Variants in ACACA observed in about 807,000 individuals in gnomAD.
ACACA encodes acetyl-CoA carboxylase alpha.
Under a neutral mutation model 296.1 loss-of-function variants are expected in ACACA, and 103 were observed. The ratio of observed to expected loss-of-function variants is 0.35; its 90% CI spans 0.30 to 0.41. ACACA has a LOEUF of 0.41. Ranked by LOEUF, ACACA falls within the 10% of genes least tolerant of loss-of-function variation. ACACA has a pLI of 1.00. For missense variants in ACACA, 1,554 were observed against 2,989.7 expected (o/e 0.52, Z 11.20); for synonymous variants, 953 against 1,038.6 (o/e 0.92, Z 1.58).
chr17:37,244,501 C>A (rs1416095130), intron 21 of ACACA, 87 bp downstream of exon 21: 3 of 1,540,728 alleles, frequency 1.9e-6, no homozygotes, highest in Middle Eastern at 1.9e-4. Flanking sequence ...TTTCCTCCCT[C>A]TTAAACAATC....
intron 52 of ACACA, among the ~76,000 whole-genome samples, chr17:37,109,603 C>A (rs748516778): frequency 1.3e-5 from 2 of 152,118 alleles, no homozygotes; most frequent in African/African-American, 4.8e-5. Context: ...TTCTCCAATG[C>A]GGATAGGAAA....
intron 43 of ACACA, 44 bp downstream of exon 43, chr17:37,155,639 T>C (rs1355595599): frequency 1.5e-6 from 2 of 1,321,160 alleles, no homozygotes; most frequent in African/African-American, 1.4e-5. Flanking sequence ...CATATTCTCC[T>C]TTCTTTAGTC....
chr17:37,156,183 C>T (rs1323572861), intron 42 of ACACA, among the ~76,000 whole-genome samples: 1 of 151,486 alleles, frequency 6.6e-6, no homozygotes, highest in Non-Finnish European at 1.5e-5. Flanking sequence ...CCTGCCTCAG[C>T]CTCCCAAGTA....
intron 30 of ACACA, 21 bp from the exon 31 acceptor site, chr17:37,207,821 G>C: frequency 6.2e-7 from 1 of 1,612,850 alleles, no homozygotes. Context: ...ATTCAATCAC[G>C]TTCATTAGAC....
In ACACA at chr17:37,086,834, G is replaced by GTAAT; in HGVS notation, c.*478_*481dup. 4.4e-6 allele frequency: 1 copy of GTAAT among 229,072 alleles called. No individual in the cohort carries two copies. Among genetic ancestry groups the GTAAT allele is most frequent in the Non-Finnish European group, 8.8e-6 (1 of 113,702 alleles). 14.2% of individuals were successfully genotyped at this position (229,072 alleles called of 1,614,324 possible). On this transcript the variant is annotated 3_prime_UTR_variant, in exon 56 of 56. Coordinates refer to ENST00000616317, the MANE Select transcript of ACACA (RefSeq NM_198834.3). ...ACTGTGTGCTGGGCTAAGAGTCGGG[G>GTAAT]TAATAAACAATGGACTTGAGGCTTC...
intron 1 of ACACA, among the ~76,000 whole-genome samples, chr17:37,405,482 G>GA (rs1421140972): frequency 6.6e-6 from 1 of 152,176 alleles, no homozygotes; most frequent in Non-Finnish European, 1.5e-5. Flanking sequence ...TGATGCATAG[G>GA]AAAATGTCTG....
chr17:37,249,280 T>C (rs1028086607), intron 16 of ACACA, among the ~76,000 whole-genome samples: 1 of 152,210 alleles, frequency 6.6e-6, no homozygotes, highest in African/African-American at 2.4e-5. Flanking sequence ...TCTGAGTTGC[T>C]CCCATCTTTT....
rs2075028058 is a variant in ACACA at position 37,130,322 on chromosome 17, G to C, written c.5680-104C>G. The C allele has an allele frequency of 4.3e-6, 6 of 1,404,382 alleles. No individual in the cohort carries two copies. The African/African-American group carries it at 7.1e-5, about 17-fold the overall frequency. 87.0% of individuals were successfully genotyped at this position (1,404,382 alleles called of 1,614,324 possible). ...TGGGTTCTTTTCTCCACAAAACAGA[G>C]ATTTCAGTCTCCATGGGTTGGTTGT... On this transcript the variant is annotated intron_variant, in intron 45 of 55. Transcript: ENST00000616317.
At chr17:37,349,716 C>G (rs1811984143) in intron 1 of ACACA, among the ~76,000 whole-genome samples, 1 of 151,420 alleles carries the variant, frequency 6.6e-6, no homozygotes, top group African/African-American at 2.4e-5. Context: ...ACCACTTCAC[C>G]CAGCTAGTTT....
At position 37,359,109 on chromosome 17, in the gene ACACA, C is replaced by G. The variant is rs532837241; in HGVS notation, c.39-19259G>C. The G allele has an allele frequency of 4.0e-5, 39 of 985,526 alleles. 1 individual carries two copies. In the East Asian group the frequency reaches 4.1e-3, roughly 103 times the overall value. The allele number at this position is 985,526 out of a possible 1,614,324, so 61.0% of individuals were successfully genotyped here. A position where few individuals can be genotyped will look rare whatever the true frequency, so the allele number is the denominator to read the frequency against. Reference sequence around the variant, plus strand: ...GGCGATGGCTGACAGGCGTGCAGCACCAGGCCGGCCCGGCACACGGAGAAG... The same window carrying G: ...GGCGATGGCTGACAGGCGTGCAGCAGCAGGCCGGCCCGGCACACGGAGAAG... On this transcript the variant is annotated intron_variant, in intron 1 of 55. Coordinates refer to ENST00000616317, the MANE Select transcript of ACACA (RefSeq NM_198834.3).
At chr17:37,188,014 A>G (rs2077603593) in intron 39 of ACACA, among the ~76,000 whole-genome samples, 2 of 152,244 alleles carry the variant, frequency 1.3e-5, no homozygotes, top group Non-Finnish European at 2.9e-5. Context: ...TAACCTCTGG[A>G]GTCAGGTTCA....
At chr17:37,216,253 A>T (rs1319276916) in intron 29 of ACACA, among the ~76,000 whole-genome samples, 1 of 151,454 alleles carries the variant, frequency 6.6e-6, no homozygotes, top group East Asian at 1.9e-4. Flanking sequence ...TAAATCAGAA[A>T]AATCTCTTTA....
intron 3 of ACACA, chr17:37,289,492 G>A: frequency 7.4e-7 from 1 of 1,351,902 alleles, no homozygotes; most frequent in Non-Finnish European, 9.8e-7. Flanking sequence ...CAACCCTCTA[G>A]GCACCTCCAC....
intron 1 of ACACA, among the ~76,000 whole-genome samples, chr17:37,366,570 G>A (rs552192786): frequency 3.4e-4 from 51 of 151,402 alleles, no homozygotes; most frequent in Non-Finnish European, 6.6e-4. Flanking sequence ...CCGGGTTCAA[G>A]CAATTCTCCT....
At chr17:37,178,221 G>A (rs1386319182) in intron 41 of ACACA, among the ~76,000 whole-genome samples, 1 of 152,190 alleles carries the variant, frequency 6.6e-6, no homozygotes, top group East Asian at 1.9e-4. Flanking sequence ...GAGTATAAGA[G>A]TATAGGGCAA....
intron 10 of ACACA, among the ~76,000 whole-genome samples, chr17:37,267,777 T>TG (rs1273772301): frequency 5.9e-5 from 9 of 151,798 alleles, no homozygotes; most frequent in Admixed American, 5.9e-4. Flanking sequence ...TTTTTTTTTT[T>TG]TAAGACAATG....
chr17:37,185,412 T>TC (rs2077492675), intron 39 of ACACA, among the ~76,000 whole-genome samples: 1 of 137,572 alleles, frequency 7.3e-6, no homozygotes, highest in African/African-American at 2.8e-5. Context: ...CTTTTTTTTT[T>TC]TTTTTTTTTT....
chr17:37,354,759 C>G (rs1346232189), intron 1 of ACACA, among the ~76,000 whole-genome samples: 1 of 151,904 alleles, frequency 6.6e-6, no homozygotes, highest in Non-Finnish European at 1.5e-5. Context: ...ACCCCCACTC[C>G]ACCCCACAAA....
chr17:37,318,708 A>G (rs1567988126), intron 3 of ACACA, among the ~76,000 whole-genome samples: 2 of 152,124 alleles, frequency 1.3e-5, no homozygotes, highest in Non-Finnish European at 2.9e-5. Flanking sequence ...TTATAAAAGG[A>G]CTCCTTGATA....
Sources: gnomAD v4.1 joint callset for allele counts (sites outside exome capture counted in the v4.1 genomes callset) on GRCh38, gnomAD v4.1.1 for gene constraint, MANE v1.5 for transcripts, NCBI Gene and HGNC (gene_info 2026-07-23, HGNC 2026-07-21) for gene names.